Variants in PUS10 observed in about 807,000 individuals in gnomAD.
The protein encoded by PUS10 is tRNA pseudouridine synthase Pus10.
PUS10 carries 59 observed loss-of-function variants against 75.0 expected under a neutral mutation model. The ratio of observed to expected loss-of-function variants is 0.79; its 90% CI spans 0.64 to 0.98. PUS10 has a LOEUF of 0.98. PUS10 is among the 50% of genes least tolerant of loss of function. The pLI, the probability that PUS10 is intolerant of heterozygous loss-of-function variation, is 0.00. For synonymous variants in PUS10, 219 were observed against 211.6 expected, an observed-to-expected ratio of 1.03 and a Z score of -0.30; for missense variants, 650 against 614.4, an observed-to-expected ratio of 1.06 and a Z score of -0.61.
intron 8 of PUS10, among the ~76,000 whole-genome samples, chr2:60,963,900 A>G (rs1676182822): frequency 6.6e-6 from 1 of 152,254 alleles, no homozygotes; most frequent in Non-Finnish European, 1.5e-5. Context: ...GATGCCTATT[A>G]TTATATTTCC....
At chr2:61,013,373 A>C (rs1679756557) in intron 1 of PUS10, among the ~76,000 whole-genome samples, 1 of 152,208 alleles carries the variant, frequency 6.6e-6, no homozygotes, top group South Asian at 2.1e-4. Flanking sequence ...AGAAGGAAGG[A>C]ATGCATGCTC....
chr2:60,953,693 A>G (rs1675479329), intron 14 of PUS10, among the ~76,000 whole-genome samples: 1 of 152,182 alleles, frequency 6.6e-6, no homozygotes, highest in African/African-American at 2.4e-5. Context: ...TGTATATATA[A>G]TATCTAGAAG....
chr2:60,949,813 C>T (rs1447028885), intron 15 of PUS10, among the ~76,000 whole-genome samples: 5 of 152,184 alleles, frequency 3.3e-5, no homozygotes, highest in South Asian at 2.1e-4. Flanking sequence ...AGTGCAATGG[C>T]GCCATGATGG....
intron 1 of PUS10, among the ~76,000 whole-genome samples, chr2:61,016,696 GAGGA>G (rs947839291): frequency 3.9e-5 from 6 of 152,310 alleles, no homozygotes; most frequent in African/African-American, 1.4e-4. Context: ...TACTGGAGGA[GAGGA>G]AGGACTTTAT....
intron 4 of PUS10, among the ~76,000 whole-genome samples, chr2:60,997,502 C>T (rs934876144): frequency 3.4e-5 from 5 of 148,266 alleles, no homozygotes; most frequent in African/African-American, 7.4e-5. Flanking sequence ...CCCAGCTACT[C>T]GGGAGGCTGA....
rs141426868 is a variant in PUS10, at chr2:60,988,383, T to G, written c.469-16826A>C. ...CTCATAGTCCTCCCTGTAATTAGTT[T>G]GTAAAATAAAAACTAGATTGGTAGA... On this transcript the variant is annotated intron_variant, in intron 4 of 17. Coordinates refer to ENST00000316752, the MANE Select transcript of PUS10 (RefSeq NM_144709.4). Among the ~76,000 whole-genome samples, 415 of 152,296 alleles carry G rather than the reference T, an allele frequency of 2.7e-3. 1 individual carries two copies. Among genetic ancestry groups the G allele is most frequent in the African/African-American group, 9.3e-3 (386 of 41,570 alleles).
At chr2:61,017,739 A>C in intron 1 of PUS10, 1 of 1,544,916 alleles carries the variant, frequency 6.5e-7, no homozygotes, top group Non-Finnish European at 8.7e-7. Context: ...TAGGAGCGGG[A>C]GCCGAGAGGA....
At chr2:60,949,276 T>C (rs552059047) in intron 15 of PUS10, among the ~76,000 whole-genome samples, 3 of 152,120 alleles carry the variant, frequency 2.0e-5, no homozygotes, top group Admixed American at 1.3e-4. Context: ...GGCTGAACTG[T>C]GAAGAAATCT....
intron 4 of PUS10, among the ~76,000 whole-genome samples, chr2:61,003,289 G>A (rs998907640): frequency 2.0e-5 from 3 of 151,800 alleles, no homozygotes; most frequent in African/African-American, 4.8e-5. Flanking sequence ...TGGTGAAACC[G>A]CGTCTCTACT....
At chr2:61,015,073 C>G (rs935920179) in intron 1 of PUS10, among the ~76,000 whole-genome samples, 2 of 152,116 alleles carry the variant, frequency 1.3e-5, no homozygotes, top group Non-Finnish European at 1.5e-5. Flanking sequence ...TATGGACACA[C>G]CATACAAGCT....
rs149163824 is a variant in PUS10, at chr2:60,993,925, G to A, written c.468+12632C>T. 8.3e-3 allele frequency among the ~76,000 whole-genome samples: 1,268 copies of A among 152,138 alleles called. 18 individuals carry two copies. The highest frequency in any genetic ancestry group is 0.03 in the African/African-American group (1,226 of 41,518). ...CTTTCTCAGCCTCCCGAGTAGCTGG[G>A]ACTACAGGCGCCTGCCACCAAGCCT... On this transcript the variant is annotated intron_variant, in intron 4 of 17. Coordinates refer to ENST00000316752, the MANE Select transcript of PUS10 (RefSeq NM_144709.4).
intron 15 of PUS10, among the ~76,000 whole-genome samples, chr2:60,949,577 T>C (rs929384095): frequency 6.6e-6 from 1 of 152,138 alleles, no homozygotes; most frequent in Non-Finnish European, 1.5e-5. Flanking sequence ...TTTTTTTTTT[T>C]AGAAATAAGA....
intron 15 of PUS10, among the ~76,000 whole-genome samples, chr2:60,948,509 G>A (rs538164303): frequency 1.3e-5 from 2 of 152,188 alleles, no homozygotes; most frequent in South Asian, 4.2e-4. Flanking sequence ...TTACAGGTGT[G>A]CTCCACTGCG....
intron 1 of PUS10, among the ~76,000 whole-genome samples, chr2:61,016,098 T>C (rs1012032945): frequency 2.0e-5 from 3 of 152,224 alleles, no homozygotes; most frequent in Non-Finnish European, 4.4e-5. Flanking sequence ...GAAGACAATG[T>C]TTATTTTTCC....
intron 4 of PUS10, among the ~76,000 whole-genome samples, chr2:60,973,385 G>T (rs942272153): frequency 2.0e-5 from 3 of 152,256 alleles, no homozygotes; most frequent in Non-Finnish European, 4.4e-5. Context: ...CCACAGGCCT[G>T]GAGGGGTCTG....
rs577645550 is a variant in PUS10 at position 60,946,352 on chromosome 2, C to T, written c.1452-1244G>A. Among the ~76,000 whole-genome samples the T allele has an allele frequency of 9.2e-5, 14 of 152,242 alleles. No homozygotes were observed. The East Asian group carries it at 2.5e-3, about 27-fold the overall frequency. On this transcript the variant is annotated intron_variant, in intron 16 of 17. Transcript: ENST00000316752. ...AAAATTAATATACTTCTGTGTATAA[C>T]CATGTGGCATCTAAAGCTTTAACAC...
intron 4 of PUS10, among the ~76,000 whole-genome samples, chr2:60,978,295 A>AAGTG (rs1677163909): frequency 6.6e-6 from 1 of 151,728 alleles, no homozygotes; most frequent in Non-Finnish European, 1.5e-5. Flanking sequence ...GGTGGTGCGC[A>AAGTG]CCTGTAATCC....
chr2:60,965,208 G>T, intron 7 of PUS10, 105 bp from the exon 8 acceptor site: 1 of 1,180,760 alleles, frequency 8.5e-7, no homozygotes. Context: ...CAGGACATCA[G>T]GAGCAGACAA....
chr2:60,950,840 C>T (rs908946496), intron 15 of PUS10, among the ~76,000 whole-genome samples: 1 of 152,206 alleles, frequency 6.6e-6, no homozygotes, highest in African/African-American at 2.4e-5. Context: ...AGCCCTTAAA[C>T]ACCATGTACA....
Sources: allele counts gnomAD v4.1 joint callset (sites outside exome capture counted in the v4.1 genomes callset), GRCh38; gene constraint gnomAD v4.1.1; transcripts MANE v1.5; gene names NCBI Gene and HGNC (gene_info 2026-07-23, HGNC 2026-07-21).